The following PIWIL3 variants were observed in gnomAD, a reference collection of about 807,000 sequenced individuals.
The protein encoded by PIWIL3 is piwi like RNA-mediated gene silencing 3, also known as piwi-like protein 3.
PIWIL3 carries 101 observed loss-of-function variants against 109.7 expected under a neutral mutation model. The ratio of observed to expected loss-of-function variants is 0.92; its 90% CI spans 0.78 to 1.09. The LOEUF is 1.09. Ranked by LOEUF, PIWIL3 falls within the 50% of genes least tolerant of loss-of-function variation. PIWIL3 has a pLI of 0.00. For synonymous variants in PIWIL3, 373 were observed against 376.4 expected (o/e 0.99, Z 0.10); for missense variants, 1,031 against 1,072.6 (o/e 0.96, Z 0.54).
In PIWIL3 at chr22:24,759,969, C is replaced by A; in HGVS notation, c.123G>T (p.Leu41Phe). The A allele has an allele frequency of 6.2e-7, 1 of 1,614,104 alleles. No homozygotes were observed. The highest frequency in any genetic ancestry group is 8.5e-7 in the Non-Finnish European group (1 of 1,180,018). ...GSATTQEPPQ[L>F]QSTPRPLQEE... ...CCTGCAGCGGCCGGGGTGTCGACTGCAACTGAGGGGGCTCCTGGGTCTGCA... is the reference window on the plus strand; with the variant it reads ...CCTGCAGCGGCCGGGGTGTCGACTGAAACTGAGGGGGCTCCTGGGTCTGCA... The change falls in exon 3 of 21, where the codon TTG (leucine) becomes TTT (phenylalanine). Residue 41 changes from leucine (L) to phenylalanine (F), a missense_variant. Coordinates refer to ENST00000616349, the MANE Select transcript of PIWIL3 (RefSeq NM_001255975.1).
At chr22:24,764,625 C>CGTGT (rs140531011) in intron 1 of PIWIL3, among the ~76,000 whole-genome samples, 11,685 of 134,520 alleles carry the variant, frequency 0.087, 560 homozygotes, top group African/African-American at 0.11. Context: ...TTGACCTTGC[C>CGTGT]GTGTGTGTGT....
At chr22:24,756,840 G>A in intron 4 of PIWIL3, 135 bp from the exon 5 acceptor site, 1 of 736,556 alleles carries the variant, frequency 1.4e-6, no homozygotes, top group Non-Finnish European at 2.2e-6. Flanking sequence ...AGCACTCTGG[G>A]AGGCCAAGGC....
chr22:24,762,628 G>A, intron 1 of PIWIL3, 107 bp from the exon 2 acceptor site: 1 of 987,718 alleles, frequency 1.0e-6, no homozygotes. Context: ...TATAAAGGAA[G>A]AGGTGTGTTT....
intron 1 of PIWIL3, among the ~76,000 whole-genome samples, chr22:24,766,492 T>G (rs1925803232): frequency 1.3e-5 from 2 of 151,804 alleles, no homozygotes. Context: ...CTAATTTTTT[T>G]GTATTTTTTT....
chr22:24,735,637 TAA>T, intron 13 of PIWIL3, 69 bp downstream of exon 13: 1 of 1,400,938 alleles, frequency 7.1e-7, no homozygotes. Flanking sequence ...TCCTACAATT[TAA>T]TATTTTAGTT....
At chr22:24,741,489 G>A (rs1924007412) in intron 12 of PIWIL3, among the ~76,000 whole-genome samples, 1 of 152,096 alleles carries the variant, frequency 6.6e-6, no homozygotes, top group Non-Finnish European at 1.5e-5. Flanking sequence ...AGCTGACAGA[G>A]TGAGAATTTG....
chr22:24,736,018 A>G (rs9624575), intron 12 of PIWIL3, 126 bp from the exon 13 acceptor site: 101,174 of 760,372 alleles, frequency 0.13, 7,592 homozygotes, highest in South Asian at 0.23. Flanking sequence ...TGAATGGCCA[A>G]TGTAGGTATT....
chr22:24,763,233 C>T (rs1247743120), intron 1 of PIWIL3, among the ~76,000 whole-genome samples: 5 of 151,858 alleles, frequency 3.3e-5, no homozygotes, highest in Admixed American at 2.0e-4. Context: ...CAACCTCTGC[C>T]TCCCGGGCTC....
chr22:24,766,464 G>A (rs772745143), intron 1 of PIWIL3, among the ~76,000 whole-genome samples: 6 of 151,858 alleles, frequency 4.0e-5, no homozygotes, highest in South Asian at 2.1e-4. Flanking sequence ...AAGTACAGGC[G>A]CCCGCCACCA....
intron 12 of PIWIL3, among the ~76,000 whole-genome samples, chr22:24,746,548 A>T (rs1924381227): frequency 6.7e-6 from 1 of 150,294 alleles, no homozygotes; most frequent in Admixed American, 6.6e-5. Context: ...TAGTACTAGA[A>T]GTCCTAGCTA....
chr22:24,738,324 C>T (rs5751969), intron 12 of PIWIL3, among the ~76,000 whole-genome samples: 67,176 of 151,758 alleles, frequency 0.44, 15,440 homozygotes, highest in East Asian at 0.68. Flanking sequence ...CCTGGGGGAA[C>T]TTACTGCCCC....
At chr22:24,753,195 T>G (rs1205942447) in intron 8 of PIWIL3, among the ~76,000 whole-genome samples, 1 of 152,222 alleles carries the variant, frequency 6.6e-6, no homozygotes, top group Non-Finnish European at 1.5e-5. Flanking sequence ...CACTTCTGCT[T>G]TGAGTGGCTT....
intron 12 of PIWIL3, among the ~76,000 whole-genome samples, chr22:24,747,598 T>C (rs149025692): frequency 4.3e-4 from 66 of 152,210 alleles, no homozygotes; most frequent in African/African-American, 1.5e-3. Context: ...AACAACTTTA[T>C]AGGGGAAAAA....
At chr22:24,741,871 G>T (rs1005989493) in intron 12 of PIWIL3, among the ~76,000 whole-genome samples, 7 of 150,714 alleles carry the variant, frequency 4.6e-5, no homozygotes, top group African/African-American at 1.5e-4. Context: ...CCACTTCTAT[G>T]AAACATAGTA....
At chr22:24,752,651 G>A (rs1489585887) in intron 8 of PIWIL3, among the ~76,000 whole-genome samples, 4 of 152,116 alleles carry the variant, frequency 2.6e-5, no homozygotes, top group African/African-American at 9.7e-5. Flanking sequence ...GTGGGTCTAT[G>A]TCTTTGTTTT....
intron 12 of PIWIL3, among the ~76,000 whole-genome samples, chr22:24,741,829 G>C (rs1011534443): frequency 6.7e-6 from 1 of 150,134 alleles, no homozygotes. Context: ...TCCCCCCCAA[G>C]AACTGCAACA....
rs1569105633 is a variant in PIWIL3, at chr22:24,749,416, T to C, written c.1322A>G (p.Asn441Ser). ...AAGCAGCACTTACTCTTGTAGAGTATTGATGAATTCTTTTAATGTATGATG... is the reference window on the plus strand; with the variant it reads ...AAGCAGCACTTACTCTTGTAGAGTACTGATGAATTCTTTTAATGTATGATG... ...RRHHTLKEFINTLQDNKKVRE... is the reference protein window; with the variant it reads ...RRHHTLKEFISTLQDNKKVRE... Residue 441 changes from asparagine (N) to serine (S), a missense_variant, in exon 11 of 21, where the codon AAT becomes AGT. Coordinates refer to ENST00000616349, the MANE Select transcript of PIWIL3 (RefSeq NM_001255975.1). The C allele has an allele frequency of 1.9e-6, 3 of 1,613,950 alleles. No homozygotes were observed. Among genetic ancestry groups the C allele is most frequent in the Non-Finnish European group, 1.7e-6 (2 of 1,179,960 alleles).
intron 20 of PIWIL3, 41 bp downstream of exon 20, chr22:24,719,707 A>C (rs764020941): frequency 6.3e-7 from 1 of 1,581,326 alleles, no homozygotes; most frequent in Non-Finnish European, 8.7e-7. Flanking sequence ...TGAATAGTAC[A>C]TTTAAAAAAT....
intron 14 of PIWIL3, among the ~76,000 whole-genome samples, chr22:24,730,929 A>G (rs1923312592): frequency 6.6e-6 from 1 of 152,188 alleles, no homozygotes; most frequent in Admixed American, 6.5e-5. Flanking sequence ...TAACCTGAAT[A>G]TACGTTTGTG....
Sources: gnomAD v4.1 joint callset for allele counts (sites outside exome capture counted in the v4.1 genomes callset) on GRCh38, gnomAD v4.1.1 for gene constraint, MANE v1.5 for transcripts, NCBI Gene and HGNC (gene_info 2026-07-23, HGNC 2026-07-21) for gene names.